The following OTUD7A variants were observed in gnomAD, a reference collection of about 807,000 sequenced individuals.
The protein encoded by OTUD7A is OTU deubiquitinase 7A.
Under a neutral mutation model 65.7 loss-of-function variants are expected in OTUD7A, and 12 were observed. The ratio of observed to expected loss-of-function variants is 0.18; its 90% CI spans 0.12 to 0.30. OTUD7A has a LOEUF of 0.30. OTUD7A is among the 10% of genes least tolerant of loss of function. OTUD7A has a pLI of 1.00. For synonymous variants in OTUD7A, 641 were observed against 586.3 expected (o/e 1.09, Z -1.35); for missense variants, 1,148 against 1,304.8 (o/e 0.88, Z 1.85).
chr15:31,503,955 C>G, intron 8 of OTUD7A, 137 bp from the exon 9 acceptor site: 2 of 1,045,142 alleles, frequency 1.9e-6, no homozygotes, highest in East Asian at 5.2e-5. Flanking sequence ...GCTGCGCCAT[C>G]CTGGGCCACT....
chr15:31,729,735 A>T (rs945543915), intron 1 of OTUD7A, among the ~76,000 whole-genome samples: 4 of 151,766 alleles, frequency 2.6e-5, no homozygotes, highest in Admixed American at 6.6e-5. Context: ...CACACCTCAC[A>T]CTCTCCTTGG....
chr15:31,621,923 T>A (rs1182989120), intron 3 of OTUD7A, among the ~76,000 whole-genome samples: 3 of 152,232 alleles, frequency 2.0e-5, no homozygotes, highest in African/African-American at 7.2e-5. Flanking sequence ...TTTCCACATT[T>A]AGTGCTTCCT....
chr15:31,630,169 T>C (rs1030577281), intron 3 of OTUD7A, among the ~76,000 whole-genome samples: 5 of 149,268 alleles, frequency 3.3e-5, no homozygotes, highest in African/African-American at 1.2e-4. Flanking sequence ...TTCTAGTTCT[T>C]TTAACTGTGA....
At chr15:31,675,132 T>C (rs1438831929) in intron 1 of OTUD7A, among the ~76,000 whole-genome samples, 1 of 150,162 alleles carries the variant, frequency 6.7e-6, no homozygotes, top group African/African-American at 2.5e-5. Flanking sequence ...ATACCATTTA[T>C]AAACATAGAT....
chr15:31,807,165 G>A (rs892111883), intron 1 of OTUD7A, among the ~76,000 whole-genome samples: 2 of 152,140 alleles, frequency 1.3e-5, no homozygotes, highest in African/African-American at 4.8e-5. Flanking sequence ...CCCCTTATAA[G>A]CTCAATAGAG....
intron 3 of OTUD7A, among the ~76,000 whole-genome samples, chr15:31,615,247 C>T (rs984791013): frequency 6.6e-6 from 1 of 152,118 alleles, no homozygotes; most frequent in African/African-American, 2.4e-5. Context: ...ATCTGAATCA[C>T]AAACTGTCAC....
chr15:31,685,023 T>C (rs1892803471), intron 1 of OTUD7A, among the ~76,000 whole-genome samples: 1 of 151,968 alleles, frequency 6.6e-6, no homozygotes, highest in Non-Finnish European at 1.5e-5. Context: ...TTTTAGCTGA[T>C]TGTTATGGAA....
intron 3 of OTUD7A, among the ~76,000 whole-genome samples, chr15:31,576,463 G>T (rs572821080): frequency 1.3e-5 from 2 of 152,196 alleles, no homozygotes; most frequent in East Asian, 3.8e-4. Flanking sequence ...AGACATAAAA[G>T]AATGCAAACT....
intron 4 of OTUD7A, among the ~76,000 whole-genome samples, chr15:31,566,396 TA>T (rs1233984751): frequency 3.3e-5 from 5 of 152,080 alleles, no homozygotes; most frequent in African/African-American, 1.2e-4. Context: ...TTTTAGTCTT[TA>T]TTACAAAGAG....
In OTUD7A at chr15:31,776,895, T is replaced by C. The variant is rs533985514; in HGVS notation, c.-100+93612A>G. On this transcript the variant is annotated intron_variant, in intron 1 of 12. Coordinates refer to ENST00000307050, the MANE Select transcript of OTUD7A (RefSeq NM_001382637.1). ...CCCCAGCATGGCACATGTATACATA[T>C]GTAACTAACCTGCACATTGTGCACC... Among the ~76,000 whole-genome samples the C allele has an allele frequency of 3.3e-5, 5 of 152,140 alleles. No homozygotes were observed. The South Asian group carries it at 8.3e-4, about 25-fold the overall frequency.
intron 1 of OTUD7A, among the ~76,000 whole-genome samples, chr15:31,813,700 A>G (rs188575173): frequency 6.6e-6 from 1 of 152,378 alleles, no homozygotes; most frequent in Admixed American, 6.5e-5. Context: ...AAGAACCTTT[A>G]TTTTGTAATG....
At chr15:31,726,052 GAGT>G (rs1566990273) in intron 1 of OTUD7A, among the ~76,000 whole-genome samples, 17 of 65,088 alleles carry the variant, frequency 2.6e-4, no homozygotes, top group Middle Eastern at 0.013. Flanking sequence ...GAGCCAGACA[GAGT>G]TTTTTTTTTT....
At chr15:31,603,772 A>C (rs777012306) in intron 3 of OTUD7A, among the ~76,000 whole-genome samples, 9 of 152,202 alleles carry the variant, frequency 5.9e-5, no homozygotes, top group Non-Finnish European at 1.3e-4. Context: ...CCCCACCAAA[A>C]AGTGGGCAAA....
At position 31,506,498 on chromosome 15, in the gene OTUD7A, A is replaced by G. The variant is rs188975916; in HGVS notation, c.894-2680T>C. On this transcript the variant is annotated intron_variant, in intron 8 of 12. Transcript: ENST00000307050. ...TAAACTTGAGGATTAAAGGACTTAC[A>G]AGGAATTTTTTTTGGCCTGCGGTGT... 3.5e-3 allele frequency among the ~76,000 whole-genome samples: 534 copies of G among 152,286 alleles called. 1 individual carries two copies. The highest frequency in any genetic ancestry group is 8.3e-3 in the Admixed American group (127 of 15,298).
At chr15:31,751,673 TCAGTG>T (rs1894639724) in intron 1 of OTUD7A, among the ~76,000 whole-genome samples, 1 of 152,168 alleles carries the variant, frequency 6.6e-6, no homozygotes, top group African/African-American at 2.4e-5. Context: ...TAGATGCCCA[TCAGTG>T]ATGGACTGAA....
intron 1 of OTUD7A, among the ~76,000 whole-genome samples, chr15:31,799,210 C>T (rs551292110): frequency 2.6e-5 from 4 of 152,120 alleles, no homozygotes; most frequent in Non-Finnish European, 4.4e-5. Context: ...GTGGGCTGTG[C>T]GGGCCTGCAG....
intron 1 of OTUD7A, among the ~76,000 whole-genome samples, chr15:31,828,710 T>C (rs1896858038): frequency 6.6e-6 from 1 of 152,196 alleles, no homozygotes; most frequent in Admixed American, 6.5e-5. Context: ...CAATCTGTAC[T>C]TTTTTCTGTC....
At chr15:31,610,615 A>ATTTTTTTTTTTTTTTTT (rs1336235314) in intron 3 of OTUD7A, among the ~76,000 whole-genome samples, 3 of 32,848 alleles carry the variant, frequency 9.1e-5, no homozygotes, top group Non-Finnish European at 1.5e-4. Context: ...ATATATATAT[A>ATTTTTTTTTTTTTTTTT]TATTTTTTTT....
chr15:31,710,617 GTTC>G (rs1893418014), intron 1 of OTUD7A, among the ~76,000 whole-genome samples: 1 of 152,194 alleles, frequency 6.6e-6, no homozygotes, highest in Admixed American at 6.5e-5. Flanking sequence ...AAGAATGTGT[GTTC>G]TTCTGCTGCC....
Sources: allele counts gnomAD v4.1 joint callset (sites outside exome capture counted in the v4.1 genomes callset), GRCh38; gene constraint gnomAD v4.1.1; transcripts MANE v1.5; gene names NCBI Gene and HGNC (gene_info 2026-07-23, HGNC 2026-07-21).